Variants in FBXO45 observed in about 807,000 individuals in gnomAD.
FBXO45 encodes F-box/SPRY domain-containing protein 1.
In FBXO45, 3 loss-of-function variants were observed where a neutral mutation model predicts 25.5. The observed-to-expected ratio is 0.12, with a 90% confidence interval of 0.05 to 0.30. The LOEUF is 0.30. Ranked by LOEUF, FBXO45 falls within the 10% of genes least tolerant of loss-of-function variation. The pLI is 1.00. For missense variants in FBXO45, 219 were observed against 365.0 expected (o/e 0.60, Z 3.26); for synonymous variants, 155 against 149.8 (o/e 1.03, Z -0.25).
At chr3:196,581,914 GC>G (rs1242082686) in intron 2 of FBXO45, among the ~76,000 whole-genome samples, 1 of 152,204 alleles carries the variant, frequency 6.6e-6, no homozygotes, top group African/African-American at 2.4e-5. Flanking sequence ...ATGTGTGGCA[GC>G]TAATGTCTGC....
chr3:196,577,017 C>T (rs1735924282), intron 1 of FBXO45, among the ~76,000 whole-genome samples: 1 of 152,144 alleles, frequency 6.6e-6, no homozygotes, highest in East Asian at 1.9e-4. Flanking sequence ...TCCTTATACC[C>T]ATCACCAAGC....
rs1408913846 is a variant in FBXO45 at position 196,569,795 on chromosome 3, C to T, written c.318+493C>T. On this transcript the variant is annotated intron_variant, in intron 1 of 2. Transcript: ENST00000311630. The surrounding 1 kb of genome is among the most constrained non-coding windows in gnomAD (Gnocchi z 4.1). ...TTTTCATTATTTTCCCCCAAGTTCT[C>T]TTTAGTTCCCTCCACTATATTGGAG... 6.6e-6 allele frequency among the ~76,000 whole-genome samples: 1 copy of T among 152,194 alleles called. No individual in the cohort carries two copies. Among genetic ancestry groups the T allele is most frequent in the East Asian group, 1.9e-4 (1 of 5,202 alleles).
rs924581127 is a variant in FBXO45 at position 196,588,657 on chromosome 3, C to T, written c.*4339C>T. 1 of 152,078 alleles carries T rather than the reference C, an allele frequency of 6.6e-6. No individual in the cohort carries two copies. The highest frequency in any genetic ancestry group is 2.4e-5 in the African/African-American group (1 of 41,386). 9.4% of individuals were successfully genotyped at this position (152,078 alleles called of 1,614,324 possible). On this transcript the variant is annotated 3_prime_UTR_variant, in exon 3 of 3. Coordinates refer to ENST00000311630, the MANE Select transcript of FBXO45 (RefSeq NM_001105573.2). The surrounding 1 kb of genome is among the most constrained non-coding windows in gnomAD (Gnocchi z 4.2). ...GATTATTTATTGGTGTCATATCGCC[C>T]CTAAACTGGGACAGGATCTCTAACG...
chr3:196,581,964 G>GT (rs1736018600), intron 2 of FBXO45, among the ~76,000 whole-genome samples: 1 of 152,142 alleles, frequency 6.6e-6, no homozygotes, highest in African/African-American at 2.4e-5. Flanking sequence ...AGTCCTGGAG[G>GT]TTTACCCTGT....
At chr3:196,571,036 TAAC>T (rs1287524619) in intron 1 of FBXO45, among the ~76,000 whole-genome samples, 2 of 152,166 alleles carry the variant, frequency 1.3e-5, no homozygotes, top group Non-Finnish European at 2.9e-5. Context: ...TTAAGCGAAA[TAAC>T]AATAATTTAC....
chr3:196,582,527 A>G (rs569752872), intron 2 of FBXO45, among the ~76,000 whole-genome samples: 3 of 152,296 alleles, frequency 2.0e-5, no homozygotes, highest in African/African-American at 7.2e-5. Context: ...ATCAGGTAGA[A>G]TTAAATTTTG....
chr3:196,571,995 C>T (rs1480989470), intron 1 of FBXO45, among the ~76,000 whole-genome samples: 3 of 152,114 alleles, frequency 2.0e-5, no homozygotes, highest in African/African-American at 7.2e-5. Flanking sequence ...CTTACTGTTA[C>T]AGACATAAAA....
In FBXO45 at chr3:196,585,700, G is replaced by A. The variant is rs1736093192; in HGVS notation, c.*1382G>A. 6.6e-6 allele frequency: 1 copy of A among 152,200 alleles called. No individual in the cohort carries two copies. Among genetic ancestry groups the A allele is most frequent in the African/African-American group, 2.4e-5 (1 of 41,444 alleles). 9.4% of individuals were successfully genotyped at this position (152,200 alleles called of 1,614,324 possible). ...TAATAATCCAACCCACATGAGCTGAGAGTTTTTCTTTTGTTAGAAAAGAAA... is the reference window on the plus strand; with the variant it reads ...TAATAATCCAACCCACATGAGCTGAAAGTTTTTCTTTTGTTAGAAAAGAAA... On this transcript the variant is annotated 3_prime_UTR_variant, in exon 3 of 3. Transcript: ENST00000311630.
At chr3:196,580,259 G>A (rs913491161) in intron 2 of FBXO45, among the ~76,000 whole-genome samples, 2 of 149,512 alleles carry the variant, frequency 1.3e-5, no homozygotes, top group African/African-American at 4.9e-5. Flanking sequence ...ATGCTGGAGT[G>A]CAATGGCATG....
Position 196,585,101 on chromosome 3 carries a change from C to A in FBXO45, c.*783C>A, listed in dbSNP as rs1473491762. 2 of 152,066 alleles carry A rather than the reference C, an allele frequency of 1.3e-5. No homozygotes were observed. Among genetic ancestry groups the A allele is most frequent in the African/African-American group, 2.4e-5 (1 of 41,390 alleles). 9.4% of individuals were successfully genotyped at this position (152,066 alleles called of 1,614,324 possible). A position where few individuals can be genotyped will look rare whatever the true frequency, so the allele number is the denominator to read the frequency against. ...AGAGTCTGGTTTGTTTTTGTTTTTA[C>A]TCTCAAAATCATAGTAAAGATCTCT... is the stretch of plus-strand genomic sequence containing the variant. On this transcript the variant is annotated 3_prime_UTR_variant, in exon 3 of 3. Coordinates refer to ENST00000311630, the MANE Select transcript of FBXO45 (RefSeq NM_001105573.2).
Position 196,575,862 on chromosome 3 carries a change from G to T in FBXO45, c.319-1591G>T, listed in dbSNP as rs148253152. 1.1e-4 allele frequency among the ~76,000 whole-genome samples: 16 copies of T among 152,160 alleles called. No individual in the cohort carries two copies. The East Asian group carries it at 3.1e-3, about 30-fold the overall frequency. ...CAGCTAATTTTTTGTATTTTTACTAGAGTTGGGGTTTCGCCATGTTGCCCA... is the reference window on the plus strand; with the variant it reads ...CAGCTAATTTTTTGTATTTTTACTATAGTTGGGGTTTCGCCATGTTGCCCA... On this transcript the variant is annotated intron_variant, in intron 1 of 2. Coordinates refer to ENST00000311630, the MANE Select transcript of FBXO45 (RefSeq NM_001105573.2).
chr3:196,577,930 T>G (rs1735941685), intron 2 of FBXO45, 121 bp downstream of exon 2: 2 of 584,630 alleles, frequency 3.4e-6, no homozygotes. Flanking sequence ...TTTTTATTAT[T>G]TTTTTATTTT....
intron 1 of FBXO45, among the ~76,000 whole-genome samples, chr3:196,574,388 G>A (rs1735878096): frequency 6.6e-6 from 1 of 152,076 alleles, no homozygotes; most frequent in Admixed American, 6.6e-5. Context: ...TCTCATAAAT[G>A]TTAAATGTTG....
At chr3:196,572,999 G>A (rs1735854401) in intron 1 of FBXO45, among the ~76,000 whole-genome samples, 1 of 152,100 alleles carries the variant, frequency 6.6e-6, no homozygotes, top group Non-Finnish European at 1.5e-5. Context: ...ATAGCTCACT[G>A]CAGCCTTGAA....
chr3:196,576,632 C>A (rs979504581), intron 1 of FBXO45, among the ~76,000 whole-genome samples: 2 of 152,180 alleles, frequency 1.3e-5, no homozygotes, highest in Non-Finnish European at 2.9e-5. Flanking sequence ...TATTTTCATA[C>A]CCTCTTTATT....
chr3:196,579,274 C>G (rs575549826), intron 2 of FBXO45, among the ~76,000 whole-genome samples: 3 of 152,312 alleles, frequency 2.0e-5, no homozygotes, highest in African/African-American at 7.2e-5. Context: ...GTTCCAGCCT[C>G]AGTAATGACC....
chr3:196,570,901 CAG>C, intron 1 of FBXO45, among the ~76,000 whole-genome samples: 1 of 151,998 alleles, frequency 6.6e-6, no homozygotes, highest in Non-Finnish European at 1.5e-5. Context: ...TCAGTAGAGA[CAG>C]GGTTTCACCG....
chr3:196,575,573 T>C (rs1735898669), intron 1 of FBXO45, among the ~76,000 whole-genome samples: 1 of 152,086 alleles, frequency 6.6e-6, no homozygotes, highest in African/African-American at 2.4e-5. Flanking sequence ...TTAAATATTT[T>C]ATAGTGAATT....
intron 2 of FBXO45, 35 bp downstream of exon 2, chr3:196,577,844 T>C (rs1179252131): frequency 1.5e-6 from 2 of 1,350,606 alleles, no homozygotes; most frequent in Non-Finnish European, 9.9e-7. Context: ...GTATGGGCCT[T>C]TGTCAAATCA....
Sources: gnomAD v4.1 joint callset for allele counts (sites outside exome capture counted in the v4.1 genomes callset) on GRCh38, gnomAD v4.1.1 for gene constraint, Gnocchi (gnomAD v3.1) non-coding constraint, MANE v1.5 for transcripts, NCBI Gene and HGNC (gene_info 2026-07-23, HGNC 2026-07-21) for gene names.